Variants in MCC observed in about 807,000 individuals in gnomAD.
MCC encodes MCC regulator of Wnt signaling pathway, also known as colorectal mutant cancer protein.
In MCC, 90 loss-of-function variants were observed where a neutral mutation model predicts 116.2. The ratio of observed to expected loss-of-function variants is 0.77; its 90% CI spans 0.65 to 0.92. The LOEUF (loss-of-function observed/expected upper bound fraction) is 0.92, where lower values mean the gene tolerates loss of function less well. Ranked by LOEUF, MCC falls within the 40% of genes least tolerant of loss-of-function variation. MCC has a pLI of 0.00. For missense variants in MCC, 1,516 were observed against 1,312.2 expected (o/e 1.16, Z -2.40); for synonymous variants, 578 against 510.5 (o/e 1.13, Z -1.78).
At chr5:113,169,804 G>A (rs765983387) in intron 3 of MCC, among the ~76,000 whole-genome samples, 2 of 152,110 alleles carry the variant, frequency 1.3e-5, no homozygotes, top group East Asian at 3.8e-4. Flanking sequence ...ACAATCAGAG[G>A]GCTGTCTAGA....
rs1165851460 is a variant in MCC at position 113,024,511 on chromosome 5, C to CGAAG, written c.*2790_*2791insCTTC. 9.8e-5 allele frequency: 15 copies of CGAAG among 152,318 alleles called. No individual in the cohort carries two copies. The highest frequency in any genetic ancestry group is 6.2e-4 in the South Asian group (3 of 4,824). 9.4% of individuals were successfully genotyped at this position (152,318 alleles called of 1,614,324 possible). On this transcript the variant is annotated 3_prime_UTR_variant, in exon 19 of 19. Coordinates refer to ENST00000408903, the MANE Select transcript of MCC (RefSeq NM_001085377.2). The stretch of plus-strand genomic sequence containing the variant: ...TCCTTTGGCTCTGTGCCCATTTCTT[C>CGAAG]AAAAGCCAAAGACTGAATTCTGAAC...
At chr5:113,136,511 G>A (rs1384494069) in intron 5 of MCC, among the ~76,000 whole-genome samples, 2 of 151,954 alleles carry the variant, frequency 1.3e-5, no homozygotes, top group Non-Finnish European at 2.9e-5. Flanking sequence ...AATTATATAA[G>A]AATCAAAATT....
intron 3 of MCC, among the ~76,000 whole-genome samples, chr5:113,325,800 A>G (rs1375450447): frequency 6.6e-6 from 1 of 152,126 alleles, no homozygotes; most frequent in East Asian, 1.9e-4. Flanking sequence ...CTTGATCCAC[A>G]GCCAACACTG....
intron 3 of MCC, among the ~76,000 whole-genome samples, chr5:113,228,228 T>C (rs890121782): frequency 7.2e-5 from 11 of 152,202 alleles, no homozygotes; most frequent in Non-Finnish European, 1.3e-4. Context: ...TGGTTTCTAA[T>C]GTAATGGTGT....
intron 1 of MCC, among the ~76,000 whole-genome samples, chr5:113,425,062 G>T (rs182799870): frequency 3.9e-4 from 59 of 152,092 alleles, no homozygotes; most frequent in African/African-American, 1.4e-3. Context: ...ATGAGATAGG[G>T]TCCACAAAGG....
intron 3 of MCC, among the ~76,000 whole-genome samples, chr5:113,297,232 G>C (rs1766736105): frequency 6.6e-6 from 1 of 152,174 alleles, no homozygotes; most frequent in Non-Finnish European, 1.5e-5. Context: ...GGCTGGCATG[G>C]TGGCTCATGC....
chr5:113,456,040 T>C (rs1771535809), intron 1 of MCC, among the ~76,000 whole-genome samples: 1 of 152,244 alleles, frequency 6.6e-6, no homozygotes. Flanking sequence ...ATATTTGATA[T>C]ACACAATATA....
intron 3 of MCC, chr5:113,294,921 C>G (rs893824697): frequency 5.1e-6 from 5 of 985,348 alleles, no homozygotes; most frequent in South Asian, 4.7e-5. Context: ...GTTTCCCCTT[C>G]GAATCGTCTG....
intron 16 of MCC, among the ~76,000 whole-genome samples, chr5:113,048,097 CTCCTCACT>C (rs1262919293): frequency 6.6e-6 from 1 of 152,182 alleles, no homozygotes; most frequent in Non-Finnish European, 1.5e-5. Context: ...AGCAGTGAGA[CTCCTCACT>C]TCTTTGAGCC....
intron 14 of MCC, among the ~76,000 whole-genome samples, chr5:113,057,120 A>T (rs1752886162): frequency 6.6e-6 from 1 of 152,154 alleles, no homozygotes; most frequent in African/African-American, 2.4e-5. Context: ...GCAGAACGAG[A>T]TGGTGACTGA....
In MCC at chr5:113,043,716, C is replaced by T. The variant is rs921165523; in HGVS notation, c.2656-86G>A. ...CTGCAGCAGAGCGCGGTAGGTGGCT[C>T]GTGCAGTGATGGCAGCAGTGTGGGC... On this transcript the variant is annotated intron_variant, in intron 16 of 18. Coordinates refer to ENST00000408903, the MANE Select transcript of MCC (RefSeq NM_001085377.2). 16 of 912,436 alleles carry T rather than the reference C, an allele frequency of 1.8e-5. No homozygotes were observed. The African/African-American group carries it at 2.0e-4, about 11-fold the overall frequency. 56.5% of individuals were successfully genotyped at this position (912,436 alleles called of 1,614,324 possible). A position where few individuals can be genotyped will look rare whatever the true frequency, so the allele number is the denominator to read the frequency against.
intron 6 of MCC, among the ~76,000 whole-genome samples, chr5:113,109,530 A>T (rs1261451735): frequency 1.3e-5 from 2 of 152,190 alleles, no homozygotes; most frequent in East Asian, 1.9e-4. Context: ...ACGGGTACAG[A>T]GTTTATGTTG....
At chr5:113,475,777 A>G (rs968131218) in intron 1 of MCC, among the ~76,000 whole-genome samples, 1 of 152,200 alleles carries the variant, frequency 6.6e-6, no homozygotes, top group Non-Finnish European at 1.5e-5. Context: ...CACCCTCACC[A>G]TAGAGCTTTG....
intron 3 of MCC, among the ~76,000 whole-genome samples, chr5:113,199,654 G>C (rs964093586): frequency 6.6e-6 from 1 of 152,192 alleles, no homozygotes; most frequent in African/African-American, 2.4e-5. Context: ...AGGATGCTCT[G>C]GTAGAATGGT....
intron 3 of MCC, among the ~76,000 whole-genome samples, chr5:113,192,438 G>A (rs1310000143): frequency 6.6e-6 from 1 of 152,170 alleles, no homozygotes; most frequent in Non-Finnish European, 1.5e-5. Context: ...AAATTTGTGA[G>A]TTAAAAAAGC....
intron 8 of MCC, among the ~76,000 whole-genome samples, chr5:113,094,421 T>G (rs901599703): frequency 7.2e-4 from 104 of 145,026 alleles, no homozygotes; most frequent in African/African-American, 2.9e-3. Context: ...TTGGCAATCT[T>G]CCTTTTTTTT....
intron 1 of MCC, among the ~76,000 whole-genome samples, chr5:113,407,903 T>C (rs1580340368): frequency 6.6e-6 from 1 of 152,028 alleles, no homozygotes; most frequent in Admixed American, 6.6e-5. Flanking sequence ...TTTTTAAGAG[T>C]AGGAATCTTG....
intron 8 of MCC, among the ~76,000 whole-genome samples, chr5:113,100,798 T>C (rs980632016): frequency 2.6e-5 from 4 of 152,154 alleles, no homozygotes; most frequent in Non-Finnish European, 4.4e-5. Context: ...AAGTCAACTT[T>C]ATCTGTGTAC....
chr5:113,430,057 C>T (rs1770586487), intron 1 of MCC, among the ~76,000 whole-genome samples: 1 of 152,110 alleles, frequency 6.6e-6, no homozygotes, highest in Non-Finnish European at 1.5e-5. Flanking sequence ...CATAGATTTC[C>T]CTTCTATGGA....
Sources: gnomAD v4.1 joint callset for allele counts (sites outside exome capture counted in the v4.1 genomes callset) on GRCh38, gnomAD v4.1.1 for gene constraint, MANE v1.5 for transcripts, NCBI Gene and HGNC (gene_info 2026-07-23, HGNC 2026-07-21) for gene names.